The following ATL2 variants were observed in gnomAD, a reference collection of about 807,000 sequenced individuals.
The protein encoded by ATL2 is atlastin GTPase 2.
ATL2 carries 31 observed loss-of-function variants against 73.9 expected under a neutral mutation model. The ratio of observed to expected loss-of-function variants is 0.42; its 90% CI spans 0.32 to 0.57. The LOEUF (loss-of-function observed/expected upper bound fraction) is 0.57, where lower values mean the gene tolerates loss of function less well. Among genes scored for constraint, ATL2 ranks in the 20% least tolerant of loss-of-function variants. The pLI, the probability that ATL2 is intolerant of heterozygous loss-of-function variation, is 0.14. For missense variants in ATL2, 738 were observed against 702.6 expected, an observed-to-expected ratio of 1.05 and a Z score of -0.57; for synonymous variants, 291 against 237.5, an observed-to-expected ratio of 1.23 and a Z score of -2.07.
chr2:38,367,618 CG>C (rs1332874390), intron 1 of ATL2, among the ~76,000 whole-genome samples: 2 of 43,082 alleles, frequency 4.6e-5, no homozygotes, highest in Admixed American at 2.9e-4. Context: ...AAAAAAAAAC[CG>C]CCCATTTAAA....
intron 2 of ATL2, among the ~76,000 whole-genome samples, chr2:38,334,891 A>ATT (rs1573511907): frequency 3.5e-5 from 1 of 28,484 alleles, no homozygotes; most frequent in East Asian, 4.6e-3. Flanking sequence ...TATAATATAT[A>ATT]ATATATATTA....
intron 2 of ATL2, among the ~76,000 whole-genome samples, chr2:38,337,363 G>A (rs1187367346): frequency 6.6e-6 from 1 of 150,970 alleles, no homozygotes; most frequent in Non-Finnish European, 1.5e-5. Flanking sequence ...GTGCGCACCT[G>A]TAAACCCAGC....
chr2:38,340,702 T>C (rs1057043371), intron 2 of ATL2, among the ~76,000 whole-genome samples: 1 of 152,188 alleles, frequency 6.6e-6, no homozygotes, highest in East Asian at 1.9e-4. Context: ...TATTTCTCCT[T>C]CTTTACTTTC....
intron 2 of ATL2, among the ~76,000 whole-genome samples, chr2:38,325,424 T>C (rs949510730): frequency 6.6e-6 from 1 of 151,560 alleles, no homozygotes; most frequent in African/African-American, 2.4e-5. Context: ...AAGCTGAGAG[T>C]GAACTAGTTT....
chr2:38,360,699 CA>C (rs1038645324), intron 1 of ATL2, among the ~76,000 whole-genome samples: 1 of 151,040 alleles, frequency 6.6e-6, no homozygotes, highest in Admixed American at 6.6e-5. Context: ...AAGTCAAGAC[CA>C]AAAAAAAGGG....
chr2:38,371,340 C>A lies in ATL2; in HGVS notation c.118+5803G>T, dbSNP rs145215720. On this transcript the variant is annotated intron_variant, in intron 1 of 12. Transcript: ENST00000378954. ...TGGACAACACAGGGAGACCACATCTCCACAAAAAATTTTAAAAACTAGCCA... is the reference window on the plus strand; with the variant it reads ...TGGACAACACAGGGAGACCACATCTACACAAAAAATTTTAAAAACTAGCCA... Among the ~76,000 whole-genome samples, 722 of 152,000 alleles carry A rather than the reference C, an allele frequency of 4.7e-3. 3 individuals carry two copies. Among genetic ancestry groups the A allele is most frequent in the African/African-American group, 0.016 (663 of 41,458 alleles).
intron 1 of ATL2, among the ~76,000 whole-genome samples, chr2:38,350,862 G>T (rs1442507207): frequency 1.9e-4 from 29 of 152,078 alleles, no homozygotes. Context: ...CACTCAGCAT[G>T]TATTCCAACA....
At position 38,353,219 on chromosome 2, in the gene ATL2, T is replaced by A. The variant is rs533405620; in HGVS notation, c.119-9707A>T. 7.9e-5 allele frequency among the ~76,000 whole-genome samples: 12 copies of A among 152,212 alleles called. No homozygotes were observed. The South Asian group carries it at 2.1e-3, about 26-fold the overall frequency. On this transcript the variant is annotated intron_variant, in intron 1 of 12. Transcript: ENST00000378954. ...GACTTACAGGAAAATAAAGTCTTAATAAATAAATAGATGAGGAGTCTCAGC... is the reference window on the plus strand; with the variant it reads ...GACTTACAGGAAAATAAAGTCTTAAAAAATAAATAGATGAGGAGTCTCAGC...
At chr2:38,329,670 T>C (rs1668871522) in intron 2 of ATL2, among the ~76,000 whole-genome samples, 1 of 151,970 alleles carries the variant, frequency 6.6e-6, no homozygotes, top group South Asian at 2.1e-4. Flanking sequence ...CCAGTATATA[T>C]CATGAATATA....
chr2:38,365,510 G>A (rs974293062), intron 1 of ATL2, among the ~76,000 whole-genome samples: 1 of 152,034 alleles, frequency 6.6e-6, no homozygotes, highest in African/African-American at 2.4e-5. Flanking sequence ...CAAAAAATTG[G>A]CCAGGAGCAG....
At chr2:38,324,371 G>A (rs1029780141) in intron 2 of ATL2, among the ~76,000 whole-genome samples, 6 of 152,198 alleles carry the variant, frequency 3.9e-5, no homozygotes, top group African/African-American at 9.7e-5. Context: ...AAATCTTCAT[G>A]TGTATAAAAC....
At chr2:38,372,413 G>A (rs1203097990) in intron 1 of ATL2, among the ~76,000 whole-genome samples, 1 of 152,068 alleles carries the variant, frequency 6.6e-6, no homozygotes, top group Non-Finnish European at 1.5e-5. Flanking sequence ...GATGCACATA[G>A]GTTATATGCA....
At chr2:38,342,542 T>C (rs570133068) in intron 2 of ATL2, among the ~76,000 whole-genome samples, 13 of 152,302 alleles carry the variant, frequency 8.5e-5, no homozygotes, top group Admixed American at 3.9e-4. Context: ...TCAGAGATCA[T>C]GGATGGCTGC....
chr2:38,358,287 T>A (rs1670794558), intron 1 of ATL2, among the ~76,000 whole-genome samples: 1 of 152,166 alleles, frequency 6.6e-6, no homozygotes, highest in African/African-American at 2.4e-5. Context: ...CCTGGGAGAC[T>A]GCTAATACTG....
intron 9 of ATL2, among the ~76,000 whole-genome samples, chr2:38,304,749 T>C (rs908421129): frequency 9.8e-5 from 15 of 152,296 alleles, no homozygotes; most frequent in Admixed American, 3.3e-4. Context: ...AAATATATTA[T>C]AGTTGCAAAC....
chr2:38,377,315 A>T (rs1573617586), upstream of ATL2: 9 of 1,455,606 alleles, frequency 6.2e-6, no homozygotes, highest in South Asian at 1.2e-4. Flanking sequence ...CCGCCGCTTT[A>T]TCAACCTCCC....
upstream of ATL2, among the ~76,000 whole-genome samples, chr2:38,378,145 A>G (rs1283519105): frequency 6.6e-6 from 1 of 152,198 alleles, no homozygotes; most frequent in Non-Finnish European, 1.5e-5. Context: ...GATTTTTACC[A>G]TACTGCCAGC....
At chr2:38,343,149 T>TAAAAAAA (rs59215933) in intron 2 of ATL2, 119 bp downstream of exon 2, 3 of 349,616 alleles carry the variant, frequency 8.6e-6, no homozygotes, top group African/African-American at 4.3e-5. Flanking sequence ...CCACTTAAAT[T>TAAAAAAA]AAAAAAAAAA....
intron 1 of ATL2, among the ~76,000 whole-genome samples, chr2:38,367,634 CTTTTT>C (rs776674384): frequency 1.2e-4 from 11 of 95,348 alleles, no homozygotes; most frequent in Non-Finnish European, 2.4e-4. Flanking sequence ...TTTAAAACAA[CTTTTT>C]TTTTTTTTTT....
Sources: gnomAD v4.1 joint callset for allele counts (sites outside exome capture counted in the v4.1 genomes callset) on GRCh38, gnomAD v4.1.1 for gene constraint, MANE v1.5 for transcripts, NCBI Gene and HGNC (gene_info 2026-07-23, HGNC 2026-07-21) for gene names.